Variants in AKR1C2 observed in about 807,000 individuals in gnomAD.
The protein encoded by AKR1C2 is aldo-keto reductase family 1 member C2, also known as 3-alpha-HSD3.
Under a neutral mutation model 39.8 loss-of-function variants are expected in AKR1C2, and 27 were observed. The ratio of observed to expected loss-of-function variants is 0.68; its 90% CI spans 0.50 to 0.93. AKR1C2 has a LOEUF of 0.93. AKR1C2 is among the 40% of genes least tolerant of loss of function. The probability of loss-of-function intolerance (pLI) is 0.00; values close to 1 mark genes in which losing one functional copy is unlikely to be tolerated. For synonymous variants in AKR1C2, 114 were observed against 137.9 expected, an observed-to-expected ratio of 0.83 and a Z score of 1.22; for missense variants, 263 against 365.1, an observed-to-expected ratio of 0.72 and a Z score of 2.28.
Position 4,995,750 on chromosome 10 carries a change from T to C in AKR1C2, c.680+6A>G. ...TTTTAGGTAAACTTCCTGTATCTCTTATTACCATGGTTCTTCTCGATGGGA... is the reference window on the plus strand; with the variant it reads ...TTTTAGGTAAACTTCCTGTATCTCTCATTACCATGGTTCTTCTCGATGGGA... On this transcript the variant is annotated splice_donor_region_variant and intron_variant, in intron 6 of 8. Coordinates refer to ENST00000380753, the MANE Select transcript of AKR1C2 (RefSeq NM_001393392.1). The C allele has an allele frequency of 1.9e-6, 3 of 1,610,168 alleles. No homozygotes were observed. The highest frequency in any genetic ancestry group is 1.7e-6 in the Non-Finnish European group (2 of 1,178,956).
chr10:4,998,786 G>A (rs782103450), intron 4 of AKR1C2, 39 bp from the exon 5 acceptor site: 19 of 1,611,334 alleles, frequency 1.2e-5, no homozygotes, highest in South Asian at 3.3e-5. Flanking sequence ...TTGTGTAGTC[G>A]ACTGAAGAGC....
Position 4,989,262 on chromosome 10 carries a change from G to A in AKR1C2, c.*734C>T, listed in dbSNP as rs1185594263. ...ATCAAAGATTCAGGCCTGACTCTCA[G>A]CTGTGGGGTTTGTTAAAACAATGTG... is the stretch of plus-strand genomic sequence containing the variant. On this transcript the variant is annotated 3_prime_UTR_variant, in exon 9 of 9. Coordinates refer to ENST00000380753, the MANE Select transcript of AKR1C2 (RefSeq NM_001393392.1). 6.6e-6 allele frequency: 1 copy of A among 152,182 alleles called. No individual in the cohort carries two copies. Among genetic ancestry groups the A allele is most frequent in the Non-Finnish European group, 1.5e-5 (1 of 68,048 alleles). The allele number at this position is 152,182 out of a possible 1,614,324, so 9.4% of individuals were successfully genotyped here.
chr10:5,011,463 A>G (rs2398169), intron 1 of AKR1C2, among the ~76,000 whole-genome samples: 2 of 152,260 alleles, frequency 1.3e-5, no homozygotes, highest in African/African-American at 4.8e-5. Flanking sequence ...AAAACATAGT[A>G]ATACCTAGAC....
At chr10:4,999,414 T>C (rs1837179025) in intron 3 of AKR1C2, 137 bp from the exon 4 acceptor site, 1 of 1,586,318 alleles carries the variant, frequency 6.3e-7, no homozygotes, top group Non-Finnish European at 8.6e-7. Flanking sequence ...ATGTACAAAG[T>C]GTACTACATA....
intron 8 of AKR1C2, 42 bp from the exon 9 acceptor site, chr10:4,990,080 C>T (rs1836781475): frequency 6.2e-7 from 1 of 1,608,864 alleles, no homozygotes. Flanking sequence ...ATGGCAATGA[C>T]TCCGTTACTA....
chr10:5,008,114 C>T (rs563969633), upstream of AKR1C2, among the ~76,000 whole-genome samples: 6 of 151,622 alleles, frequency 4.0e-5, 1 homozygote, highest in South Asian at 6.2e-4. Flanking sequence ...AAGTTGCAAG[C>T]GGCTGATAGA....
chr10:5,008,170 T>C (rs1837442839), upstream of AKR1C2, among the ~76,000 whole-genome samples: 1 of 151,316 alleles, frequency 6.6e-6, no homozygotes, highest in South Asian at 2.1e-4. Context: ...CTCCCACAGC[T>C]TTGCTACACA....
At chr10:5,016,708 C>A (rs1472358385) in intron 1 of AKR1C2, among the ~76,000 whole-genome samples, 5 of 152,190 alleles carry the variant, frequency 3.3e-5, no homozygotes, top group African/African-American at 1.2e-4. Context: ...GGCAGTGCCC[C>A]AGTGGAAATT....
chr10:4,992,114 A>C (rs1451102905), intron 7 of AKR1C2, among the ~76,000 whole-genome samples: 1 of 146,714 alleles, frequency 6.8e-6, no homozygotes, highest in Non-Finnish European at 1.5e-5. Flanking sequence ...TCCCAGATAA[A>C]ATATTTTGAA....
intron 1 of AKR1C2, among the ~76,000 whole-genome samples, chr10:5,003,016 A>G (rs1260063797): frequency 6.6e-6 from 1 of 152,236 alleles, no homozygotes; most frequent in Non-Finnish European, 1.5e-5. Flanking sequence ...TTCCCAAGAC[A>G]GTCTTGAGAT....
At chr10:4,995,532 T>C (rs782008234) in intron 6 of AKR1C2, 48 bp from the exon 7 acceptor site, 1 of 1,561,156 alleles carries the variant, frequency 6.4e-7, no homozygotes, top group Admixed American at 1.8e-5. Flanking sequence ...GGCGATAGTT[T>C]GTTAGGCGGC....
chr10:4,999,499 C>T (rs1426550889), intron 3 of AKR1C2: 9 of 932,476 alleles, frequency 9.7e-6, no homozygotes, highest in Non-Finnish European at 1.4e-5. Flanking sequence ...TAAATAAATA[C>T]CATCTTTCTG....
At chr10:4,992,601 T>C (rs1836877744) in intron 7 of AKR1C2, among the ~76,000 whole-genome samples, 1 of 152,050 alleles carries the variant, frequency 6.6e-6, no homozygotes, top group South Asian at 2.1e-4. Context: ...TTTTAATATT[T>C]CTATATATTA....
chr10:5,013,823 T>A (rs778451127), intron 1 of AKR1C2, among the ~76,000 whole-genome samples: 109 of 152,308 alleles, frequency 7.2e-4, no homozygotes, highest in Non-Finnish European at 1.0e-3. Context: ...ATTTTAATCA[T>A]CCCAACCTAA....
At chr10:5,000,346 T>G in intron 3 of AKR1C2, 1 of 1,538,302 alleles carries the variant, frequency 6.5e-7, no homozygotes, top group South Asian at 1.2e-5. Flanking sequence ...GCACTCTCTT[T>G]TCTTGTAGAC....
upstream of AKR1C2, among the ~76,000 whole-genome samples, chr10:5,007,158 G>T (rs1368842208): frequency 4.8e-5 from 7 of 147,326 alleles, no homozygotes; most frequent in East Asian, 1.4e-3. Context: ...TGCTCTACAA[G>T]AAATGCTTAA....
chr10:4,998,758 G>C lies in AKR1C2; in HGVS notation c.448-11C>G. On this transcript the variant is annotated splice_polypyrimidine_tract_variant and intron_variant, in intron 4 of 8. Transcript: ENST00000380753. ...ACACTTCTCCATGGCCTGGGAAAAA[G>C]GAATTGTGAGGTATCATTTGTGTAG... 2 of 1,613,918 alleles carry C rather than the reference G, an allele frequency of 1.2e-6. No homozygotes were observed.
At chr10:5,002,781 C>T (rs1375541978) in intron 1 of AKR1C2, among the ~76,000 whole-genome samples, 1 of 152,204 alleles carries the variant, frequency 6.6e-6, no homozygotes. Context: ...TCTCCTCATA[C>T]CATCTTTGAT....
At chr10:5,009,158 A>G (rs1554774680) in intron 1 of AKR1C2, among the ~76,000 whole-genome samples, 2 of 152,220 alleles carry the variant, frequency 1.3e-5, no homozygotes, top group Non-Finnish European at 2.9e-5. Flanking sequence ...AGCAATATGT[A>G]GGAAGTTTTA....
Sources: allele counts gnomAD v4.1 joint callset (sites outside exome capture counted in the v4.1 genomes callset), GRCh38; gene constraint gnomAD v4.1.1; transcripts MANE v1.5; gene names NCBI Gene and HGNC (gene_info 2026-07-23, HGNC 2026-07-21).